The following ZC3H4 variants were observed in gnomAD, a reference collection of about 807,000 sequenced individuals.
The protein encoded by ZC3H4 is zinc finger CCCH domain-containing protein 4.
A neutral mutation model predicts 108.3 loss-of-function variants in ZC3H4; 13 were observed. That is an observed-to-expected ratio of 0.12 (90% CI 0.08 to 0.19). The LOEUF is 0.19. ZC3H4 is among the 10% of genes least tolerant of loss of function. The probability of loss-of-function intolerance (pLI) is 1.00; values close to 1 mark genes in which losing one functional copy is unlikely to be tolerated. For missense variants in ZC3H4, 1,734 were observed against 1,838.8 expected (o/e 0.94, Z 1.04); for synonymous variants, 917 against 749.6 (o/e 1.22, Z -3.65).
rs1299361689 is a variant in ZC3H4 at position 47,066,612 on chromosome 19, T to C, written c.3656A>G (p.Asn1219Ser). ...TGCAGCAGCCTTGGGCCGGGGCCGG[T>C]TGTAGCTGTTGTATCTGTCCGTGGG... ...GTPTDRYNSY[N>S]RPRPKAAAAP... Residue 1219 changes from asparagine (N) to serine (S), a missense_variant, in exon 15 of 15, where the codon AAC (asparagine) becomes AGC (serine). By Grantham distance (46) the Asn-to-Ser change is conservative. Around this residue, in one of 9 missense-constraint regions of ZC3H4, gnomAD observed 518 missense variants for 499.6 expected, o/e 1.04. Transcript: ENST00000253048. 3 of 1,608,464 alleles carry C rather than the reference T, an allele frequency of 1.9e-6. No homozygotes were observed. Among genetic ancestry groups the C allele is most frequent in the African/African-American group, 1.3e-5 (1 of 74,928 alleles).
chr19:47,078,473 G>A (rs1464630624), intron 11 of ZC3H4, among the ~76,000 whole-genome samples: 2 of 148,248 alleles, frequency 1.3e-5, no homozygotes, highest in Non-Finnish European at 3.0e-5. Context: ...AACAGAGCGA[G>A]ACTCCGTTTC....
In ZC3H4 at chr19:47,066,229, CAAAAGA is replaced by C. The variant is rs1037135347; in HGVS notation, c.*121_*126del. ...AAAAAAAAATAAAAGAGACGGAAAG[CAAAAGA>C]AAAAGAAAAGAAAAAAGGAACACCC... is the stretch of plus-strand genomic sequence containing the variant. On this transcript the variant is annotated 3_prime_UTR_variant, in exon 15 of 15. Coordinates refer to ENST00000253048, the MANE Select transcript of ZC3H4 (RefSeq NM_015168.2). 2.2e-4 allele frequency: 157 copies of C among 698,636 alleles called. No individual in the cohort carries two copies. The highest frequency in any genetic ancestry group is 8.5e-4 in the Middle Eastern group (2 of 2,346). 43.3% of individuals were successfully genotyped at this position (698,636 alleles called of 1,614,324 possible).
chr19:47,081,343 A>G (rs969433469), intron 11 of ZC3H4, among the ~76,000 whole-genome samples, 170 bp downstream of exon 11: 2 of 152,056 alleles, frequency 1.3e-5, no homozygotes, highest in Admixed American at 6.6e-5. Context: ...GACCACCTCA[A>G]CTCCTTGCAG....
intron 2 of ZC3H4, chr19:47,112,190 A>AGGGAGAGC: frequency 8.5e-7 from 1 of 1,181,782 alleles, no homozygotes. Flanking sequence ...AGCGAGAGCG[A>AGGGAGAGC]GGGAGAGCGG....
At chr19:47,097,069 A>G (rs1429910546) in intron 2 of ZC3H4, 4 of 858,378 alleles carry the variant, frequency 4.7e-6, no homozygotes, top group African/African-American at 3.7e-5. Context: ...AGGAACTCCA[A>G]GAGCCTTAAC....
At chr19:47,105,808 T>G (rs150505757) in intron 2 of ZC3H4, among the ~76,000 whole-genome samples, 2,652 of 152,278 alleles carry the variant, frequency 0.017, 70 homozygotes, top group African/African-American at 0.061. Context: ...TTTTCTCTCC[T>G]CTTCCATTTC....
At chr19:47,079,613 G>A (rs1033895932) in intron 11 of ZC3H4, among the ~76,000 whole-genome samples, 2 of 152,088 alleles carry the variant, frequency 1.3e-5, no homozygotes, top group African/African-American at 4.8e-5. Context: ...TAACCCTGGG[G>A]CATGCCAGGC....
chr19:47,105,393 G>C (rs55959460), intron 2 of ZC3H4, among the ~76,000 whole-genome samples: 5 of 152,124 alleles, frequency 3.3e-5, no homozygotes, highest in African/African-American at 1.2e-4. Flanking sequence ...TCGAGGTCAC[G>C]AGTTCAAGAC....
In ZC3H4 at chr19:47,067,971, CCT is replaced by C; in HGVS notation, c.2399-104_2399-103del. The C allele has an allele frequency of 8.8e-7, 1 of 1,132,554 alleles. No individual in the cohort carries two copies. The highest frequency in any genetic ancestry group is 1.4e-5 in the South Asian group (1 of 70,326). The allele number at this position is 1,132,554 out of a possible 1,614,324, so 70.2% of individuals were successfully genotyped here. On this transcript the variant is annotated intron_variant, in intron 14 of 14. Coordinates refer to ENST00000253048, the MANE Select transcript of ZC3H4 (RefSeq NM_015168.2). This position sits in a 1 kb window ranked among gnomAD's most constrained non-coding sequence, Gnocchi z 6.4. Reference sequence around the variant, plus strand: ...ACCGTGAGCAGCTCCTTTGCTTGTGCCTCTCAGAACCTCAGGTCCTCCTCTCT... The same window carrying C: ...ACCGTGAGCAGCTCCTTTGCTTGTGCCTCAGAACCTCAGGTCCTCCTCTCT...
In ZC3H4 at chr19:47,084,402, C is replaced by A; in HGVS notation, c.1161G>T (p.Gln387His). 1.2e-6 allele frequency: 2 copies of A among 1,614,238 alleles called. No homozygotes were observed. Among genetic ancestry groups the A allele is most frequent in the East Asian group, 4.5e-5 (2 of 44,880 alleles). The change falls in exon 9 of 15, where the codon CAG (glutamine) becomes CAT (histidine). Residue 387 changes from glutamine to histidine, a missense_variant. This residue lies in a region of ZC3H4 where 403 missense variants were observed against 457.0 expected (regional missense o/e 0.88). Transcript: ENST00000253048. ...RSRDHDKPHQQSDKKGKVICK... is the reference protein window; with the variant it reads ...RSRDHDKPHQHSDKKGKVICK... ...AAATGACTTTGCCTTTCTTGTCCGA[C>A]TGCTGGTGGGGCTTGTCATGGTCAC...
intron 5 of ZC3H4, among the ~76,000 whole-genome samples, chr19:47,087,437 TAA>T (rs34358015): frequency 1.3e-5 from 2 of 148,546 alleles, no homozygotes; most frequent in African/African-American, 2.5e-5. Flanking sequence ...TTTCTTCACT[TAA>T]AAAAAAAAAG....
intron 2 of ZC3H4, among the ~76,000 whole-genome samples, chr19:47,097,884 C>CA (rs914378794): frequency 5.9e-5 from 9 of 152,316 alleles, no homozygotes; most frequent in Admixed American, 5.9e-4. Flanking sequence ...CCTGGATTGG[C>CA]AACGCCTGAC....
intron 2 of ZC3H4, among the ~76,000 whole-genome samples, chr19:47,095,097 C>A (rs1048970090): frequency 2.6e-5 from 4 of 152,290 alleles, no homozygotes; most frequent in South Asian, 4.1e-4. Context: ...AGACCCACAT[C>A]CCCTCCCTCC....
chr19:47,109,728 G>A (rs1404139836), intron 2 of ZC3H4, among the ~76,000 whole-genome samples: 3 of 152,134 alleles, frequency 2.0e-5, no homozygotes, highest in African/African-American at 4.8e-5. Context: ...CTACATGTGC[G>A]TGACCTTTTT....
intron 10 of ZC3H4, 146 bp from the exon 11 acceptor site, chr19:47,081,768 G>C: frequency 1.4e-6 from 1 of 713,346 alleles, no homozygotes; most frequent in Non-Finnish European, 2.4e-6. Flanking sequence ...GGGCTGCTCA[G>C]TGGGTTGGCA....
intron 11 of ZC3H4, among the ~76,000 whole-genome samples, chr19:47,075,266 G>C (rs905813322): frequency 1.3e-5 from 2 of 152,168 alleles, no homozygotes; most frequent in African/African-American, 4.8e-5. Context: ...CGTGGAGGCA[G>C]AACCCGCATT....
chr19:47,108,673 T>C (rs2123108377), intron 2 of ZC3H4, among the ~76,000 whole-genome samples: 1 of 152,262 alleles, frequency 6.6e-6, no homozygotes, highest in East Asian at 1.9e-4. Context: ...AAAACAATTC[T>C]CCCCTGGGAT....
At chr19:47,088,692 T>C (rs1255839698) in intron 5 of ZC3H4, among the ~76,000 whole-genome samples, 1 of 152,088 alleles carries the variant, frequency 6.6e-6, no homozygotes, top group Admixed American at 6.5e-5. Flanking sequence ...GATCTCGCTG[T>C]GTTGCCCAGG....
intron 2 of ZC3H4, among the ~76,000 whole-genome samples, chr19:47,103,284 A>G (rs2057925861): frequency 6.6e-6 from 1 of 152,114 alleles, no homozygotes; most frequent in African/African-American, 2.4e-5. Flanking sequence ...ATGAACTAAG[A>G]CTTCTCTTTG....
Sources: gnomAD v4.1 joint callset for allele counts (sites outside exome capture counted in the v4.1 genomes callset) on GRCh38, gnomAD v4.1.1 for gene constraint, gnomAD v4.1.1 regional missense constraint, Gnocchi (gnomAD v3.1) non-coding constraint, MANE v1.5 for transcripts, NCBI Gene and HGNC (gene_info 2026-07-23, HGNC 2026-07-21) for gene names.